The following RPH3A variants were observed in gnomAD, a reference collection of about 807,000 sequenced individuals.
The protein encoded by RPH3A is rabphilin 3A, also known as rabphilin-3A.
In RPH3A, 48 loss-of-function variants were observed where a neutral mutation model predicts 102.2. The ratio of observed to expected loss-of-function variants is 0.47; its 90% CI spans 0.37 to 0.60. The LOEUF (loss-of-function observed/expected upper bound fraction) is 0.60. Among genes scored for constraint, RPH3A ranks in the 20% least tolerant of loss-of-function variants. The pLI is 0.00. For missense variants in RPH3A, 781 were observed against 910.1 expected (o/e 0.86, Z 1.83); for synonymous variants, 310 against 324.3 (o/e 0.96, Z 0.47).
rs749322370 is a variant in RPH3A at position 112,816,221 on chromosome 12, A to G, written c.-18-12080A>G. On this transcript the variant is annotated intron_variant, in intron 2 of 21. Transcript: ENST00000389385. ...TTCCAGCAAATGACTTTACCCCTCC[A>G]GGCTTCAGTTTCCCCATCTGTAAAA... is the stretch of plus-strand genomic sequence containing the variant. 9.9e-4 allele frequency among the ~76,000 whole-genome samples: 150 copies of G among 152,100 alleles called. 1 individual carries two copies. The highest frequency in any genetic ancestry group is 1.7e-3 in the Non-Finnish European group (115 of 68,004).
intron 1 of RPH3A, among the ~76,000 whole-genome samples, chr12:112,763,762 C>A (rs1051550212): frequency 6.6e-6 from 1 of 152,198 alleles, no homozygotes; most frequent in Non-Finnish European, 1.5e-5. Flanking sequence ...GCATGTCAAA[C>A]CTGCCCTTCC....
At chr12:112,845,525 C>A (rs950510480) in intron 4 of RPH3A, among the ~76,000 whole-genome samples, 1 of 152,232 alleles carries the variant, frequency 6.6e-6, no homozygotes, top group Admixed American at 6.5e-5. Flanking sequence ...CCTGAAGCTT[C>A]ATCTTCACCA....
rs373491943 is a variant in RPH3A, at chr12:112,681,989, A to G, written c.-140+106670A>G. On this transcript the variant is annotated intron_variant, in intron 1 of 21. Transcript: ENST00000543106. The stretch of plus-strand genomic sequence containing the variant: ...ATTCTTTTTGCCCCTTGGTTCCACA[A>G]ATGGTGTTTGGATTAGTCGGGACAA... 2.2e-4 allele frequency among the ~76,000 whole-genome samples: 33 copies of G among 152,358 alleles called. 2 individuals are homozygous for G. Among genetic ancestry groups the G allele is most frequent in the African/African-American group, 7.7e-4 (32 of 41,584 alleles).
At chr12:112,690,171 C>T (rs1413146857) in intron 1 of RPH3A, among the ~76,000 whole-genome samples, 2 of 152,106 alleles carry the variant, frequency 1.3e-5, no homozygotes, top group East Asian at 3.8e-4. Context: ...ATTGGTTAAG[C>T]ATAAAAATAA....
intron 2 of RPH3A, among the ~76,000 whole-genome samples, chr12:112,817,578 G>A (rs574813850): frequency 1.4e-5 from 2 of 140,368 alleles, no homozygotes; most frequent in South Asian, 2.3e-4. Flanking sequence ...CCCACCCCCC[G>A]CACACGCAGC....
chr12:112,721,600 T>C (rs2040550985), intron 1 of RPH3A, among the ~76,000 whole-genome samples: 1 of 152,032 alleles, frequency 6.6e-6, no homozygotes, highest in South Asian at 2.1e-4. Flanking sequence ...AAAATTAAAG[T>C]AGCCTACAGT....
intron 1 of RPH3A, among the ~76,000 whole-genome samples, chr12:112,776,888 A>C (rs2040971553): frequency 6.9e-6 from 1 of 145,112 alleles, no homozygotes; most frequent in Non-Finnish European, 1.5e-5. Context: ...AAAAAAAAAA[A>C]AAAAAAAAAA....
intron 1 of RPH3A, among the ~76,000 whole-genome samples, chr12:112,646,728 C>T (rs1220084532): frequency 1.3e-5 from 2 of 152,206 alleles, no homozygotes; most frequent in Non-Finnish European, 2.9e-5. Context: ...AATGTTAATT[C>T]CACTTTTCAA....
chr12:112,584,089 A>C, intron 1 of RPH3A, among the ~76,000 whole-genome samples: 1 of 152,090 alleles, frequency 6.6e-6, no homozygotes, highest in Non-Finnish European at 1.5e-5. Flanking sequence ...GTGGGAGGGG[A>C]CTCAGAAGTG....
chr12:112,858,810 C>G (rs942950344), intron 5 of RPH3A, among the ~76,000 whole-genome samples: 1 of 152,202 alleles, frequency 6.6e-6, no homozygotes. Flanking sequence ...TTCTCACCAC[C>G]TCCAGAGGCC....
intron 5 of RPH3A, among the ~76,000 whole-genome samples, chr12:112,860,031 A>G (rs2042481480): frequency 6.6e-6 from 1 of 152,220 alleles, no homozygotes; most frequent in African/African-American, 2.4e-5. Flanking sequence ...ATACACATCT[A>G]GGGCTTCCCT....
chr12:112,883,582 A>G (rs563133299), intron 16 of RPH3A, among the ~76,000 whole-genome samples, 180 bp downstream of exon 16: 4 of 152,098 alleles, frequency 2.6e-5, no homozygotes, highest in African/African-American at 9.7e-5. Flanking sequence ...ACTTTTGGAA[A>G]ATACAGATAA....
chr12:112,812,022 GTT>G (rs1311997416), intron 2 of RPH3A, among the ~76,000 whole-genome samples: 1 of 149,732 alleles, frequency 6.7e-6, no homozygotes, highest in Non-Finnish European at 1.5e-5. Context: ...CCAAGTCCAA[GTT>G]TGTCTCATCC....
chr12:112,649,938 C>G (rs889618552), intron 1 of RPH3A, among the ~76,000 whole-genome samples: 1 of 152,186 alleles, frequency 6.6e-6, no homozygotes, highest in Admixed American at 6.5e-5. Flanking sequence ...CCCTACTGGC[C>G]TCATTTTGAC....
At chr12:112,766,260 A>G (rs1399221262) in intron 1 of RPH3A, among the ~76,000 whole-genome samples, 2 of 152,292 alleles carry the variant, frequency 1.3e-5, no homozygotes, top group Non-Finnish European at 2.9e-5. Flanking sequence ...CATTTTCCTT[A>G]TCTGTGAACT....
At chr12:112,805,092 T>G (rs930209599) in intron 2 of RPH3A, among the ~76,000 whole-genome samples, 6 of 152,220 alleles carry the variant, frequency 3.9e-5, no homozygotes, top group African/African-American at 1.4e-4. Context: ...TATTTAACGT[T>G]AAAATATATT....
intron 1 of RPH3A, among the ~76,000 whole-genome samples, chr12:112,683,289 C>T (rs1804857132): frequency 6.6e-6 from 1 of 152,160 alleles, no homozygotes; most frequent in South Asian, 2.1e-4. Flanking sequence ...GTGTTCTTGA[C>T]TGTGATCTTG....
At chr12:112,742,010 G>C (rs376354602) in intron 1 of RPH3A, among the ~76,000 whole-genome samples, 10 of 152,270 alleles carry the variant, frequency 6.6e-5, no homozygotes, top group African/African-American at 2.4e-4. Flanking sequence ...GTCTGATAGA[G>C]CTCTCTAAAG....
At chr12:112,626,601 A>G (rs1008785740) in intron 1 of RPH3A, among the ~76,000 whole-genome samples, 179 of 149,534 alleles carry the variant, frequency 1.2e-3, no homozygotes, top group African/African-American at 4.2e-3. Context: ...ACACTTTTAC[A>G]CTGTGGGTGG....
Sources: allele counts gnomAD v4.1 joint callset (sites outside exome capture counted in the v4.1 genomes callset), GRCh38; gene constraint gnomAD v4.1.1; transcripts MANE v1.5; gene names NCBI Gene and HGNC (gene_info 2026-07-23, HGNC 2026-07-21).